SLITRK1: variants seen among roughly 807,000 people sequenced by gnomAD.
The protein encoded by SLITRK1 is SLIT and NTRK-like protein 1.
A neutral mutation model predicts 42.4 loss-of-function variants in SLITRK1; 10 were observed. The ratio of observed to expected loss-of-function variants is 0.24; its 90% CI spans 0.15 to 0.40. The LOEUF (loss-of-function observed/expected upper bound fraction) is 0.40. Among genes scored for constraint, SLITRK1 ranks in the 10% least tolerant of loss-of-function variants. The pLI is 1.00. For missense variants in SLITRK1, 778 were observed against 848.8 expected (o/e 0.92, Z 1.04); for synonymous variants, 389 against 365.7 (o/e 1.06, Z -0.73).
In SLITRK1 at chr13:83,879,206, G is replaced by T; in HGVS notation, c.*211C>A. On this transcript the variant is annotated 3_prime_UTR_variant, in exon 2 of 2. Transcript: ENST00000674365. ...AGAGCGAGCTGGCTGCGCTCTCCCAGCTCTCCACAGTCTGCTCTTTGTTTC... is the reference window on the plus strand; with the variant it reads ...AGAGCGAGCTGGCTGCGCTCTCCCATCTCTCCACAGTCTGCTCTTTGTTTC... 1 of 612,454 alleles carries T rather than the reference G, an allele frequency of 1.6e-6. No homozygotes were observed. The highest frequency in any genetic ancestry group is 2.8e-6 in the Non-Finnish European group (1 of 351,030). 37.9% of individuals were successfully genotyped at this position (612,454 alleles called of 1,614,324 possible). A position where few individuals can be genotyped will look rare whatever the true frequency, so the allele number is the denominator to read the frequency against.
rs1486531727 is a variant in SLITRK1 at position 83,881,537 on chromosome 13, C to T, written c.-30G>A. ...AAAGCGAGCAATTCATCCCCGATCT[C>T]ATCACAAAGTAACAGCGACCATCCT... On this transcript the variant is annotated 5_prime_UTR_variant, in exon 2 of 2. The change abolishes an upstream ATG in the 5' untranslated region. Transcript: ENST00000674365. The T allele has an allele frequency of 6.4e-7, 1 of 1,561,942 alleles. No homozygotes were observed. The highest frequency in any genetic ancestry group is 2.5e-5 in the East Asian group (1 of 40,694).
chr13:83,880,710 T>C lies in SLITRK1; in HGVS notation c.798A>G (p.Arg266=), dbSNP rs773712764. The change falls in exon 2 of 2, where the codon CGA becomes CGG. Residue 266 remains arginine (R), a synonymous_variant. Coordinates refer to ENST00000674365, the MANE Select transcript of SLITRK1 (RefSeq NM_001281503.2). ...GGGGCGCCGGGAGACTAGAATCCAC[T>C]CGGTTTTTCAAAGGACACAAGTCCT... ...TEQDLCPLKN[R]VDSSLPAPPA... is the part of the protein sequence containing the mutation. 11 of 1,613,954 alleles carry C rather than the reference T, an allele frequency of 6.8e-6. No individual in the cohort carries two copies. In the South Asian group the frequency reaches 1.2e-4, roughly 18 times the overall value.
At position 83,880,278 on chromosome 13, in the gene SLITRK1, G is replaced by T; in HGVS notation, c.1230C>A (p.Asn410Lys). The T allele has an allele frequency of 6.2e-7, 1 of 1,614,056 alleles. No homozygotes were observed. The highest frequency in any genetic ancestry group is 8.5e-7 in the Non-Finnish European group (1 of 1,180,042). ...AAGTGTTGTTCTCTACAGTAGCGAT[G>T]TTATTGTTGCCCAGATCCAACAGAA... is the stretch of plus-strand genomic sequence containing the variant. ...NLILLDLGNNNIATVENNTFK... is the reference protein window; with the variant it reads ...NLILLDLGNNKIATVENNTFK... The change falls in exon 2 of 2, where the codon AAC (asparagine) becomes AAA (lysine). Residue 410 changes from asparagine (N) to lysine (K), a missense_variant. Coordinates refer to ENST00000674365, the MANE Select transcript of SLITRK1 (RefSeq NM_001281503.2).
Position 83,880,595 on chromosome 13 carries a change from G to C in SLITRK1, c.913C>G (p.Pro305Ala), listed in dbSNP as rs867766209. The change falls in exon 2 of 2, where the codon CCA (proline) becomes GCA (alanine). Residue 305 changes from proline (P) to alanine (A), a missense_variant. Around this residue, in one of 4 missense-constraint regions of SLITRK1, gnomAD observed 395 missense variants for 360.4 expected, o/e 1.10. Transcript: ENST00000674365. ...CCTGGGATCTTTGTACCTCCGTTTG[G>C]AGCAGACCCTGGTGTGGCATGATCC... The part of the protein sequence containing the change: ...QEDHATPGSA[P>A]NGGTKIPGNW... 1.6e-5 allele frequency: 26 copies of C among 1,613,982 alleles called. 1 individual carries two copies. The highest frequency in any genetic ancestry group is 1.6e-4 in the Middle Eastern group (1 of 6,084).
Position 83,880,881 on chromosome 13 carries a change from T to C in SLITRK1, c.627A>G (p.Leu209=). Residue 209 remains leucine (L), a synonymous_variant, in exon 2 of 2, where the codon CTA becomes CTG. Coordinates refer to ENST00000674365, the MANE Select transcript of SLITRK1 (RefSeq NM_001281503.2). ...EQIPGIAEIL[L]EDNPWDCTCD... is the part of the protein sequence containing the mutation. ...AGGTGCAGTCCCAAGGGTTATCCTC[T>C]AGCAGGATCTCCGCAATACCAGGGA... 1.2e-6 allele frequency: 2 copies of C among 1,614,124 alleles called. No individual in the cohort carries two copies. The highest frequency in any genetic ancestry group is 1.7e-6 in the Non-Finnish European group (2 of 1,180,014).
Position 83,880,616 on chromosome 13 carries a change from G to A in SLITRK1, c.892C>T (p.His298Tyr), listed in dbSNP as rs146746846. Residue 298 changes from histidine to tyrosine, a missense_variant, in exon 2 of 2, where the codon CAT becomes TAT. Transcript: ENST00000674365. ...TTTGGAGCAGACCCTGGTGTGGCAT[G>A]ATCCTCTTGCCCATTTGTCTTGAAA... is the stretch of plus-strand genomic sequence containing the variant. ...TPFKTNGQED[H>Y]ATPGSAPNGG... 8.1e-6 allele frequency: 13 copies of A among 1,614,050 alleles called. No homozygotes were observed. Among genetic ancestry groups the A allele is most frequent in the Non-Finnish European group, 1.1e-5 (13 of 1,180,040 alleles).
In SLITRK1 at chr13:83,879,696, C is replaced by T. The variant is rs761500540; in HGVS notation, c.1812G>A (p.Thr604=). 4.3e-6 allele frequency: 7 copies of T among 1,613,762 alleles called. No homozygotes were observed. In the African/African-American group the frequency reaches 6.7e-5, roughly 15 times the overall value. ...TGGTGTCTAGGTAGGAGTTGGAGTG[C>T]GTCCCGGTCTCCGCCAACCCAGTGC... ...KNSTGLAETG[T]HSNSYLDTSR... Residue 604 remains threonine (T), a synonymous_variant, in exon 2 of 2, where the codon ACG becomes ACA. Transcript: ENST00000674365.
In SLITRK1 at chr13:83,879,766, A is replaced by G. The variant is rs147379549; in HGVS notation, c.1742T>C (p.Leu581Pro). 1.4e-5 allele frequency: 23 copies of G among 1,613,938 alleles called. No homozygotes were observed. The African/African-American group carries it at 2.9e-4, about 21-fold the overall frequency. ...TAACGTGGGCGAGATCCTAGCGTACAGCTGAGGGCAGATCTCGTCATTGGA... is the reference window on the plus strand; with the variant it reads ...TAACGTGGGCGAGATCCTAGCGTACGGCTGAGGGCAGATCTCGTCATTGGA... ...LLSNDEICPQ[L>P]YARISPTLTS... is the part of the protein sequence containing the mutation. The change falls in exon 2 of 2, where the codon CTG becomes CCG. Residue 581 changes from leucine to proline, a missense_variant. Coordinates refer to ENST00000674365, the MANE Select transcript of SLITRK1 (RefSeq NM_001281503.2).
At position 83,879,323 on chromosome 13, in the gene SLITRK1, G is replaced by A; in HGVS notation, c.*94C>T. 6.6e-7 allele frequency: 1 copy of A among 1,510,448 alleles called. No homozygotes were observed. Among genetic ancestry groups the A allele is most frequent in the Non-Finnish European group, 9.0e-7 (1 of 1,105,508 alleles). The allele number at this position is 1,510,448 out of a possible 1,614,324, so 93.6% of individuals were successfully genotyped here. ...ATGCCCATCCAGGCTGATGGCGCGG[G>A]GATTTGGGTACACGCCCCTCCAGCC... On this transcript the variant is annotated 3_prime_UTR_variant, in exon 2 of 2. Transcript: ENST00000674365.
Position 83,879,646 on chromosome 13 carries a change from A to G in SLITRK1, c.1862T>C (p.Val621Ala). The G allele has an allele frequency of 6.2e-7, 1 of 1,613,350 alleles. No homozygotes were observed. Among genetic ancestry groups the G allele is most frequent in the Non-Finnish European group, 8.5e-7 (1 of 1,179,804 alleles). ...DTSRVSISVL[V>A]PGLLLVFVTS... Reference sequence around the variant, plus strand: ...GACAAACACCAGCAGCAGTCCCGGGACCAACACCGAGATGGACACCCTGCT... The same window carrying G: ...GACAAACACCAGCAGCAGTCCCGGGGCCAACACCGAGATGGACACCCTGCT... The change falls in exon 2 of 2, where the codon GTC becomes GCC. Residue 621 changes from valine (V) to alanine (A), a missense_variant. Val to Ala is a moderately conservative substitution (Grantham distance 64). Coordinates refer to ENST00000674365, the MANE Select transcript of SLITRK1 (RefSeq NM_001281503.2).
rs149424810 is a variant in SLITRK1, at chr13:83,879,544, T to C, written c.1964A>G (p.Asn655Ser). The change falls in exon 2 of 2, where the codon AAC becomes AGC. Residue 655 changes from asparagine to serine, a missense_variant. Physicochemically the swap from Asn to Ser is conservative, Grantham distance 46 (BLOSUM62 1). Transcript: ENST00000674365. The part of the protein sequence containing the change: ...NRKRSKRRDA[N>S]SSASEINSLQ... ...GGAATTAATCTCGGACGCGGAGGAG[T>C]TGGCATCTCGTCTCTTGGACCGCTT... 1.1e-5 allele frequency: 18 copies of C among 1,613,492 alleles called. No individual in the cohort carries two copies. The African/African-American group carries it at 2.1e-4, about 19-fold the overall frequency.
chr13:83,878,616 T>G lies in SLITRK1; in HGVS notation c.*801A>C, dbSNP rs9593836. The stretch of plus-strand genomic sequence containing the variant: ...CCAAAACAACCCCTAAAAACTTCCC[T>G]CAACAAAATACATTGTTAACTCATA... On this transcript the variant is annotated 3_prime_UTR_variant, in exon 2 of 2. Coordinates refer to ENST00000674365, the MANE Select transcript of SLITRK1 (RefSeq NM_001281503.2). 9,322 of 152,642 alleles carry G rather than the reference T, an allele frequency of 0.061. 626 individuals are homozygous for G. Among genetic ancestry groups the G allele is most frequent in the African/African-American group, 0.16 (6,794 of 41,502 alleles). The allele number at this position is 152,642 out of a possible 1,614,324, so 9.5% of individuals were successfully genotyped here.
At position 83,880,038 on chromosome 13, in the gene SLITRK1, C is replaced by A. The variant is rs1252333971; in HGVS notation, c.1470G>T (p.Val490=). The A allele has an allele frequency of 6.2e-7, 1 of 1,614,016 alleles. No homozygotes were observed. Among genetic ancestry groups the A allele is most frequent in the Admixed American group, 1.7e-5 (1 of 60,002 alleles). ...GTTTAGAGAGCGAGACCCCAGCGAA[C>A]ACGTCCACAGGCAGGGACCTCAGCA... ...NNLLRSLPVD[V]FAGVSLSKLS... Residue 490 remains valine, a synonymous_variant, in exon 2 of 2, where the codon GTG becomes GTT. Coordinates refer to ENST00000674365, the MANE Select transcript of SLITRK1 (RefSeq NM_001281503.2).
In SLITRK1 at chr13:83,880,802, T is replaced by C; in HGVS notation, c.706A>G (p.Ile236Val). The C allele has an allele frequency of 6.2e-7, 1 of 1,614,112 alleles. No individual in the cohort carries two copies. Among genetic ancestry groups the C allele is most frequent in the East Asian group, 2.2e-5 (1 of 44,870 alleles). The change falls in exon 2 of 2, where the codon ATC becomes GTC. Residue 236 changes from isoleucine to valine, a missense_variant. Around this residue, in one of 4 missense-constraint regions of SLITRK1, gnomAD observed 204 missense variants for 295.3 expected, o/e 0.69. Coordinates refer to ENST00000674365, the MANE Select transcript of SLITRK1 (RefSeq NM_001281503.2). ...GGGGCTTCGCAGACCACTCGGCCGA[T>C]CAGGGCATTCTTGGGAATGTTTTCC... ...WLENIPKNALIGRVVCEAPTR... is the reference protein window; with the variant it reads ...WLENIPKNALVGRVVCEAPTR...
rs760510344 is a variant in SLITRK1 at position 83,879,387 on chromosome 13, C to T, written c.*30G>A. ...CGGTGGGGAAGGATGTATCGCCTTC[C>T]CTCTGCCCTCCCCTATTGGGGTTGG... On this transcript the variant is annotated 3_prime_UTR_variant, in exon 2 of 2. Transcript: ENST00000674365. 7 of 1,610,500 alleles carry T rather than the reference C, an allele frequency of 4.3e-6. No individual in the cohort carries two copies. Among genetic ancestry groups the T allele is most frequent in the Middle Eastern group, 4.0e-4 (2 of 5,008 alleles).
In SLITRK1 at chr13:83,880,699, C is replaced by T; in HGVS notation, c.809G>A (p.Ser270Asn). ...LCPLKNRVDS[S>N]LPAPPAQEET... ...TTCTTGGGCAGGGGGCGCCGGGAGA[C>T]TAGAATCCACTCGGTTTTTCAAAGG... Residue 270 changes from serine (S) to asparagine (N), a missense_variant, in exon 2 of 2, where the codon AGT (serine) becomes AAT (asparagine). Physicochemically the swap from Ser to Asn is conservative, Grantham distance 46 (BLOSUM62 1). Around this residue, in one of 4 missense-constraint regions of SLITRK1, gnomAD observed 395 missense variants for 360.4 expected, o/e 1.10. Transcript: ENST00000674365. 2 of 1,614,114 alleles carry T rather than the reference C, an allele frequency of 1.2e-6. No homozygotes were observed. The highest frequency in any genetic ancestry group is 1.7e-6 in the Non-Finnish European group (2 of 1,180,020).
At position 83,878,406 on chromosome 13, in the gene SLITRK1, T is replaced by TG. The variant is rs1884734236; in HGVS notation, c.*1010dup. ...TAGGATCGCAGCCTAAGCACTAGAG[T>TG]GACATTAATTGGTCATGCTTAACTG... On this transcript the variant is annotated 3_prime_UTR_variant, in exon 2 of 2. Coordinates refer to ENST00000674365, the MANE Select transcript of SLITRK1 (RefSeq NM_001281503.2). 1 of 152,238 alleles carries TG rather than the reference T, an allele frequency of 6.6e-6. No individual in the cohort carries two copies. The highest frequency in any genetic ancestry group is 1.5e-5 in the Non-Finnish European group (1 of 67,986). 9.4% of individuals were successfully genotyped at this position (152,238 alleles called of 1,614,324 possible).
In SLITRK1 at chr13:83,880,982, A is replaced by C; in HGVS notation, c.526T>G (p.Tyr176Asp). 1 of 1,614,046 alleles carries C rather than the reference A, an allele frequency of 6.2e-7. No homozygotes were observed. Residue 176 changes from tyrosine (Y) to aspartate (D), a missense_variant, in exon 2 of 2, where the codon TAT becomes GAT. Tyr to Asp is a radical substitution (Grantham distance 160). Coordinates refer to ENST00000674365, the MANE Select transcript of SLITRK1 (RefSeq NM_001281503.2). ...AGGTCGAGGTGGGTGATGGGCACATACTGGAACACGTTGGCAGGTAGGGTG... is the reference window on the plus strand; with the variant it reads ...AGGTCGAGGTGGGTGATGGGCACATCCTGGAACACGTTGGCAGGTAGGGTG... ...ISTLPANVFQ[Y>D]VPITHLDLRG...
At position 83,879,843 on chromosome 13, in the gene SLITRK1, G is replaced by C; in HGVS notation, c.1665C>G (p.Asp555Glu). The change falls in exon 2 of 2, where the codon GAC (aspartate) becomes GAG (glutamate). Residue 555 changes from aspartate to glutamate, a missense_variant. Transcript: ENST00000674365. Reference protein sequence around the residue: ...ERLGSEVLMSDLKCETPVNFF... With the variant: ...ERLGSEVLMSELKCETPVNFF... ...AGTTCACCGGCGTCTCACACTTGAGGTCGCTCATCAGCACTTCGGAACCCA... is the reference window on the plus strand; with the variant it reads ...AGTTCACCGGCGTCTCACACTTGAGCTCGCTCATCAGCACTTCGGAACCCA... 6.2e-7 allele frequency: 1 copy of C among 1,614,146 alleles called. No individual in the cohort carries two copies. Among genetic ancestry groups the C allele is most frequent in the Non-Finnish European group, 8.5e-7 (1 of 1,180,036 alleles).
Sources: allele counts gnomAD v4.1 joint callset, GRCh38; gene constraint gnomAD v4.1.1; regional missense constraint gnomAD v4.1.1; transcripts MANE v1.5; gene names NCBI Gene and HGNC (gene_info 2026-07-23, HGNC 2026-07-21).